Variants in PCTP observed in about 807,000 individuals in gnomAD.
PCTP encodes phosphatidylcholine transfer protein.
In PCTP, 27 loss-of-function variants were observed where a neutral mutation model predicts 31.0. The observed-to-expected ratio is 0.87, with a 90% CI of 0.64 to 1.20. PCTP has a LOEUF of 1.20. PCTP is among the 50% of genes most tolerant of loss of function. PCTP has a pLI of 0.00. For missense variants in PCTP, 287 were observed against 268.2 expected, an observed-to-expected ratio of 1.07 and a Z score of -0.49; for synonymous variants, 108 against 101.2, an observed-to-expected ratio of 1.07 and a Z score of -0.40.
intron 5 of PCTP, chr17:55,775,650 C>T (rs766273715): frequency 1.5e-5 from 18 of 1,201,602 alleles, no homozygotes; most frequent in Non-Finnish European, 1.9e-5. Context: ...ATATCCTGCT[C>T]CTTGATCCCC....
downstream of PCTP, among the ~76,000 whole-genome samples, chr17:55,847,692 A>T (rs574626229): frequency 4.6e-5 from 7 of 152,274 alleles, no homozygotes; most frequent in South Asian, 1.5e-3. Flanking sequence ...AGAAGAGGTG[A>T]TGTTTCAGTT....
chr17:55,848,088 A>G, the PCTP span, among the ~76,000 whole-genome samples: 4 of 151,994 alleles, frequency 2.6e-5, no homozygotes, highest in African/African-American at 9.7e-5. Flanking sequence ...ACACCCGGCT[A>G]ATTTTTGCAT....
downstream of PCTP, among the ~76,000 whole-genome samples, chr17:55,843,614 C>T (rs1371303034): frequency 6.6e-6 from 1 of 152,210 alleles, no homozygotes; most frequent in Non-Finnish European, 1.5e-5. Context: ...CTTTCTTTCT[C>T]AGTCAGACTG....
chr17:55,776,605 C>A lies in PCTP; in HGVS notation c.*505C>A. 8.1e-7 allele frequency: 1 copy of A among 1,230,958 alleles called. No homozygotes were observed. Among genetic ancestry groups the A allele is most frequent in the East Asian group, 3.2e-5 (1 of 31,696 alleles). 76.3% of individuals were successfully genotyped at this position (1,230,958 alleles called of 1,614,324 possible). A position where few individuals can be genotyped will look rare whatever the true frequency, so the allele number is the denominator to read the frequency against. On this transcript the variant is annotated 3_prime_UTR_variant, in exon 6 of 6. Transcript: ENST00000268896. ...GTTCAGAGCTGACTTTCAGTGCACC[C>A]AAACTGGATGACGTGCCAATGTCCA...
chr17:55,828,831 A>G (rs1375947621), intron 5 of PCTP, among the ~76,000 whole-genome samples: 1 of 152,198 alleles, frequency 6.6e-6, no homozygotes, highest in African/African-American at 2.4e-5. Flanking sequence ...CACTTTAAGG[A>G]AACCGATATT....
At chr17:55,782,893 A>G (rs1417082684) in intron 2 of PCTP, among the ~76,000 whole-genome samples, 1 of 152,184 alleles carries the variant, frequency 6.6e-6, no homozygotes, top group Non-Finnish European at 1.5e-5. Context: ...TTTTCTGTTC[A>G]TTTATTTCAG....
downstream of PCTP, among the ~76,000 whole-genome samples, chr17:55,778,312 C>T (rs1280285345): frequency 6.6e-6 from 1 of 151,628 alleles, no homozygotes; most frequent in Non-Finnish European, 1.5e-5. Flanking sequence ...CTGGATGTAT[C>T]ACTTGGAATT....
At chr17:55,801,293 T>G (rs1407875479) in intron 3 of PCTP, among the ~76,000 whole-genome samples, 6 of 152,118 alleles carry the variant, frequency 3.9e-5, no homozygotes, top group Non-Finnish European at 1.5e-5. Flanking sequence ...CTGTCAATAT[T>G]AGACAGATCA....
intron 2 of PCTP, among the ~76,000 whole-genome samples, chr17:55,768,251 T>G (rs1910796640): frequency 6.6e-6 from 1 of 152,164 alleles, no homozygotes; most frequent in African/African-American, 2.4e-5. Flanking sequence ...CCTTACCTAG[T>G]TTTAGATCCT....
intron 2 of PCTP, among the ~76,000 whole-genome samples, chr17:55,767,850 G>T (rs1215435202): frequency 6.9e-5 from 10 of 144,968 alleles, no homozygotes; most frequent in Middle Eastern, 3.9e-3. Flanking sequence ...CCCAGCACGT[G>T]GGGAGGCTGA....
In PCTP at chr17:55,751,110, C is replaced by T. The variant is rs35116632; in HGVS notation, c.7C>T (p.Leu3=). Residue 3 remains leucine, a synonymous_variant, in exon 1 of 6, where the codon CTG becomes TTG. Transcript: ENST00000268896. ME[L]AAGSFSEEQF... ...GAGCCCGGACTGCGGAAGGATGGAG[C>T]TGGCCGCCGGAAGCTTCTCGGAGGA... 2.1e-3 allele frequency: 3,282 copies of T among 1,539,876 alleles called. 55 individuals carry two copies. The African/African-American group carries it at 0.041, about 19-fold the overall frequency.
At chr17:55,761,983 G>T (rs1476880256) in intron 1 of PCTP, among the ~76,000 whole-genome samples, 1 of 152,220 alleles carries the variant, frequency 6.6e-6, no homozygotes, top group Non-Finnish European at 1.5e-5. Context: ...GTTAGGGAAA[G>T]AAGTATTACA....
chr17:55,841,157 A>G (rs759777291), intron 5 of PCTP, among the ~76,000 whole-genome samples: 2 of 152,246 alleles, frequency 1.3e-5, no homozygotes, highest in Non-Finnish European at 2.9e-5. Context: ...ATCATAGTAC[A>G]TGGAGATTTT....
intron 3 of PCTP, among the ~76,000 whole-genome samples, chr17:55,793,837 A>G (rs1477875237): frequency 2.6e-5 from 4 of 152,120 alleles, no homozygotes; most frequent in Non-Finnish European, 5.9e-5. Flanking sequence ...TGTTTCTACC[A>G]TTTTGCAGAA....
At chr17:55,823,683 A>G (rs189418078), downstream of PCTP, among the ~76,000 whole-genome samples, 2 of 152,316 alleles carry the variant, frequency 1.3e-5, no homozygotes. Context: ...GTGATAGGAA[A>G]TGTTATTTTC....
chr17:55,828,192 T>C (rs1235487820), intron 5 of PCTP, among the ~76,000 whole-genome samples: 1 of 152,178 alleles, frequency 6.6e-6, no homozygotes, highest in African/African-American at 2.4e-5. Context: ...TTGGAACATT[T>C]TGGCAGAACA....
At chr17:55,753,106 G>A (rs1909799946) in intron 1 of PCTP, among the ~76,000 whole-genome samples, 1 of 152,160 alleles carries the variant, frequency 6.6e-6, no homozygotes, top group African/African-American at 2.4e-5. Context: ...GCCACATCAA[G>A]GCTTTGGCCA....
At chr17:55,758,769 T>A (rs1325229566) in intron 1 of PCTP, among the ~76,000 whole-genome samples, 1 of 152,156 alleles carries the variant, frequency 6.6e-6, no homozygotes, top group African/African-American at 2.4e-5. Context: ...TCTCAGTTTT[T>A]CCCTCTCCTC....
intron 3 of PCTP, among the ~76,000 whole-genome samples, chr17:55,796,473 A>T (rs1912191916): frequency 6.6e-6 from 1 of 152,028 alleles, no homozygotes; most frequent in South Asian, 2.1e-4. Context: ...ATCTGGACTC[A>T]TTGGGAAAGG....
Sources: gnomAD v4.1 joint callset for allele counts (sites outside exome capture counted in the v4.1 genomes callset) on GRCh38, gnomAD v4.1.1 for gene constraint, MANE v1.5 for transcripts, NCBI Gene and HGNC (gene_info 2026-07-23, HGNC 2026-07-21) for gene names.